The following DLGAP1 variants were observed in gnomAD, a reference collection of about 807,000 sequenced individuals.
DLGAP1 encodes DLG associated protein 1.
DLGAP1 carries 11 observed loss-of-function variants against 90.8 expected under a neutral mutation model. The observed-to-expected ratio is 0.12, with a 90% CI of 0.08 to 0.20. The LOEUF is 0.20. Ranked by LOEUF, DLGAP1 falls within the 10% of genes least tolerant of loss-of-function variation. The probability of loss-of-function intolerance (pLI) is 1.00; values close to 1 mark genes in which losing one functional copy is unlikely to be tolerated. For synonymous variants in DLGAP1, 558 were observed against 540.7 expected, an observed-to-expected ratio of 1.03 and a Z score of -0.44; for missense variants, 1,050 against 1,333.8, an observed-to-expected ratio of 0.79 and a Z score of 3.31.
intron 2 of DLGAP1, among the ~76,000 whole-genome samples, chr18:4,068,968 CAGAT>C (rs1444377950): frequency 6.6e-6 from 1 of 152,084 alleles, no homozygotes; most frequent in Non-Finnish European, 1.5e-5. Flanking sequence ...GTTCTGGAGT[CAGAT>C]AGGCTTACTT....
intron 2 of DLGAP1, among the ~76,000 whole-genome samples, chr18:4,061,991 A>G (rs1213641192): frequency 6.6e-6 from 1 of 152,186 alleles, no homozygotes; most frequent in Non-Finnish European, 1.5e-5. Flanking sequence ...AAGAACTTCT[A>G]TCACTCTTTT....
chr18:3,531,206 A>G (rs952962969), intron 10 of DLGAP1, among the ~76,000 whole-genome samples: 13 of 152,094 alleles, frequency 8.5e-5, no homozygotes, highest in African/African-American at 3.1e-4. Context: ...GGAGGCCGAG[A>G]CGGGTGGATC....
intron 1 of DLGAP1, among the ~76,000 whole-genome samples, chr18:4,399,557 T>G (rs930171001): frequency 5.3e-5 from 8 of 152,220 alleles, no homozygotes; most frequent in African/African-American, 1.9e-4. Flanking sequence ...TATTTTTCAC[T>G]ATTTTACAAC....
At chr18:3,688,466 A>C (rs2060778199) in intron 7 of DLGAP1, among the ~76,000 whole-genome samples, 1 of 152,120 alleles carries the variant, frequency 6.6e-6, no homozygotes, top group Admixed American at 6.6e-5. Context: ...AAATGCTGAA[A>C]AATTATTAAA....
chr18:3,799,698 A>G (rs1245504835), intron 5 of DLGAP1, among the ~76,000 whole-genome samples: 1 of 152,030 alleles, frequency 6.6e-6, no homozygotes, highest in East Asian at 1.9e-4. Context: ...ACTTAAATAA[A>G]CTCAGGGAAA....
chr18:4,067,316 C>G (rs79512983), intron 2 of DLGAP1, among the ~76,000 whole-genome samples: 6,431 of 151,416 alleles, frequency 0.042, 233 homozygotes, highest in East Asian at 0.14. Context: ...ACTTGTACCC[C>G]TGAACTTAAA....
intron 4 of DLGAP1, among the ~76,000 whole-genome samples, chr18:3,822,894 C>T (rs972681297): frequency 2.6e-5 from 4 of 152,108 alleles, no homozygotes; most frequent in Non-Finnish European, 5.9e-5. Flanking sequence ...ACCTGTAGTC[C>T]CAGCTACTTG....
intron 2 of DLGAP1, among the ~76,000 whole-genome samples, chr18:4,025,568 G>A (rs2074686393): frequency 6.6e-6 from 1 of 152,086 alleles, no homozygotes; most frequent in Non-Finnish European, 1.5e-5. Flanking sequence ...ATTGATCCAA[G>A]TCCTGGTTTT....
chr18:4,051,385 G>A (rs1263796388), intron 2 of DLGAP1, among the ~76,000 whole-genome samples: 4 of 152,150 alleles, frequency 2.6e-5, no homozygotes, highest in African/African-American at 9.7e-5. Flanking sequence ...GTGGCAGAAG[G>A]GGAAGCAAGC....
At chr18:3,528,390 G>A (rs1234397467) in intron 10 of DLGAP1, among the ~76,000 whole-genome samples, 1 of 152,190 alleles carries the variant, frequency 6.6e-6, no homozygotes, top group African/African-American at 2.4e-5. Context: ...TGAAACAAAG[G>A]CCCTCTGCAA....
intron 10 of DLGAP1, among the ~76,000 whole-genome samples, chr18:3,515,113 GT>G (rs1466095713): frequency 1.3e-5 from 2 of 152,070 alleles, no homozygotes; most frequent in African/African-American, 4.8e-5. Context: ...TTCATGAAAG[GT>G]TTCTCTGTTG....
rs963653554 is a variant in DLGAP1 at position 3,822,519 on chromosome 18, C to T, written c.958-8246G>A. 9.2e-5 allele frequency among the ~76,000 whole-genome samples: 14 copies of T among 152,270 alleles called. 2 individuals are homozygous for T. The highest frequency in any genetic ancestry group is 2.1e-4 in the South Asian group (1 of 4,824). ...GAATCTGGAGGGTGGAGGAAGGAAA[C>T]GAGTAAAGAGCAGCTTTAAGTAAGT... On this transcript the variant is annotated intron_variant, in intron 4 of 12. Transcript: ENST00000315677.
At chr18:4,426,970 T>G (rs571810528) in intron 1 of DLGAP1, among the ~76,000 whole-genome samples, 45 of 152,364 alleles carry the variant, frequency 3.0e-4, no homozygotes, top group African/African-American at 1.0e-3. Context: ...AATTATGAAC[T>G]TACTAATGTT....
At chr18:3,795,829 T>A (rs1362898971) in intron 5 of DLGAP1, among the ~76,000 whole-genome samples, 1 of 151,944 alleles carries the variant, frequency 6.6e-6, no homozygotes, top group Non-Finnish European at 1.5e-5. Context: ...ATTATCCAAA[T>A]AAAACACAAA....
chr18:4,093,707 G>C (rs1011212522), intron 2 of DLGAP1, among the ~76,000 whole-genome samples: 6 of 152,214 alleles, frequency 3.9e-5, no homozygotes, highest in African/African-American at 9.6e-5. Flanking sequence ...GAATAGTTAG[G>C]GGCATGGTAG....
chr18:3,554,173 TG>T (rs1474509184), intron 9 of DLGAP1, among the ~76,000 whole-genome samples: 1 of 152,118 alleles, frequency 6.6e-6, no homozygotes, highest in African/African-American at 2.4e-5. Flanking sequence ...TACAAATTCC[TG>T]GGGACCATCA....
At chr18:4,083,618 T>C (rs1241039395) in intron 2 of DLGAP1, among the ~76,000 whole-genome samples, 3 of 152,212 alleles carry the variant, frequency 2.0e-5, no homozygotes, top group Admixed American at 2.0e-4. Context: ...TGTACTTTGA[T>C]CCATTTCCTT....
chr18:4,071,892 G>C (rs2143476973), intron 2 of DLGAP1, among the ~76,000 whole-genome samples: 1 of 152,288 alleles, frequency 6.6e-6, no homozygotes, highest in South Asian at 2.1e-4. Context: ...TAAGTATATT[G>C]CAGCCCCCTC....
intron 2 of DLGAP1, among the ~76,000 whole-genome samples, chr18:4,061,104 A>G (rs529559561): frequency 6.6e-6 from 1 of 152,280 alleles, no homozygotes; most frequent in East Asian, 1.9e-4. Context: ...TAGTCTTCAC[A>G]CCTAATACAT....
Sources: allele counts gnomAD v4.1 joint callset (sites outside exome capture counted in the v4.1 genomes callset), GRCh38; gene constraint gnomAD v4.1.1; transcripts MANE v1.5; gene names NCBI Gene and HGNC (gene_info 2026-07-23, HGNC 2026-07-21).